Variants in CDH4 observed in about 807,000 individuals in gnomAD.
CDH4 encodes cadherin 4.
Under a neutral mutation model 86.0 loss-of-function variants are expected in CDH4, and 33 were observed. The observed-to-expected ratio is 0.38, with a 90% confidence interval of 0.29 to 0.51. CDH4 has a LOEUF of 0.51. Ranked by LOEUF, CDH4 falls within the 20% of genes least tolerant of loss-of-function variation. The probability of loss-of-function intolerance (pLI) is 0.86; values close to 1 mark genes in which losing one functional copy is unlikely to be tolerated. For synonymous variants in CDH4, 555 were observed against 549.4 expected, an observed-to-expected ratio of 1.01 and a Z score of -0.14; for missense variants, 1,114 against 1,307.4, an observed-to-expected ratio of 0.85 and a Z score of 2.28.
rs2087443529 is a variant in CDH4, at chr20:61,676,274, A to G, written c.170-67289A>G. On this transcript the variant is annotated intron_variant, in intron 2 of 15. Coordinates refer to ENST00000614565, the MANE Select transcript of CDH4 (RefSeq NM_001794.5). The surrounding 1 kb of genome is among the most constrained non-coding windows in gnomAD (Gnocchi z 4.5). ...GACTCAAGTCTATTTGCCAGCCACA[A>G]AGACAATCTTTATAAAACTCAGGTT... 6.6e-6 allele frequency among the ~76,000 whole-genome samples: 1 copy of G among 152,248 alleles called. No individual in the cohort carries two copies. Among genetic ancestry groups the G allele is most frequent in the Non-Finnish European group, 1.5e-5 (1 of 68,046 alleles).
At chr20:61,626,456 G>T (rs902668154) in intron 2 of CDH4, among the ~76,000 whole-genome samples, 5 of 151,170 alleles carry the variant, frequency 3.3e-5, no homozygotes, top group African/African-American at 1.2e-4. Context: ...GAAGCAGAAG[G>T]AGAAGCACCC....
At chr20:61,784,521 C>T (rs374362550) in intron 4 of CDH4, among the ~76,000 whole-genome samples, 138 of 80,524 alleles carry the variant, frequency 1.7e-3, no homozygotes, top group Non-Finnish European at 1.8e-3. Flanking sequence ...CCCAGTTCCT[C>T]GGGACAGTTC....
intron 8 of CDH4, among the ~76,000 whole-genome samples, chr20:61,900,226 G>T (rs1985326739): frequency 6.6e-6 from 1 of 152,258 alleles, no homozygotes; most frequent in East Asian, 1.9e-4. Context: ...TTCTGCAGAA[G>T]AAGGGAGAAA....
At chr20:61,412,551 G>T (rs1259364830) in intron 2 of CDH4, among the ~76,000 whole-genome samples, 1 of 152,192 alleles carries the variant, frequency 6.6e-6, no homozygotes, top group Non-Finnish European at 1.5e-5. Context: ...CAGAGAGGTG[G>T]AGGAGGGATT....
intron 2 of CDH4, among the ~76,000 whole-genome samples, chr20:61,438,854 A>C (rs1297395560): frequency 2.0e-5 from 3 of 152,096 alleles, no homozygotes; most frequent in African/African-American, 7.2e-5. Flanking sequence ...AGATTCCCAA[A>C]ATCAGTGGAA....
intron 2 of CDH4, among the ~76,000 whole-genome samples, chr20:61,310,198 G>C (rs1258154296): frequency 6.6e-6 from 1 of 152,160 alleles, no homozygotes; most frequent in Non-Finnish European, 1.5e-5. Context: ...CCACTGTCTG[G>C]TTGGGGGTCT....
At chr20:61,498,895 C>T (rs2085680642) in intron 2 of CDH4, among the ~76,000 whole-genome samples, 1 of 152,204 alleles carries the variant, frequency 6.6e-6, no homozygotes, top group Non-Finnish European at 1.5e-5. Context: ...TTTACTCCAG[C>T]TGTCTTCTGT....
chr20:61,537,944 C>T (rs762384457), intron 2 of CDH4, among the ~76,000 whole-genome samples: 2 of 152,214 alleles, frequency 1.3e-5, no homozygotes, highest in African/African-American at 4.8e-5. Flanking sequence ...TGGGAACTAC[C>T]ACCGGGTCAT....
intron 2 of CDH4, among the ~76,000 whole-genome samples, chr20:61,271,105 C>T (rs1376749402): frequency 2.0e-5 from 3 of 152,112 alleles, no homozygotes; most frequent in Admixed American, 6.6e-5. Context: ...TCTGTCTTCA[C>T]TTTTTGGGTT....
chr20:61,683,537 G>T (rs2087542998), intron 2 of CDH4, among the ~76,000 whole-genome samples: 1 of 152,206 alleles, frequency 6.6e-6, no homozygotes, highest in Non-Finnish European at 1.5e-5. Context: ...TGCCGTGCTA[G>T]AAGAGCACCC....
chr20:61,399,504 C>T (rs936132214), intron 2 of CDH4, among the ~76,000 whole-genome samples: 4 of 152,210 alleles, frequency 2.6e-5, no homozygotes, highest in Non-Finnish European at 4.4e-5. Context: ...CATAGTATCC[C>T]TGAGCCCCTG....
At chr20:61,891,251 G>A (rs572928638) in intron 7 of CDH4, among the ~76,000 whole-genome samples, 4 of 152,310 alleles carry the variant, frequency 2.6e-5, no homozygotes, top group Admixed American at 6.5e-5. Flanking sequence ...CACTGTCTCA[G>A]CAACTGGTCA....
intron 2 of CDH4, among the ~76,000 whole-genome samples, chr20:61,498,069 AG>A (rs1434855623): frequency 3.8e-5 from 2 of 53,278 alleles, no homozygotes; most frequent in Non-Finnish European, 6.6e-5. Context: ...GGGTGGGGGG[AG>A]GGGGGAGGGA....
At chr20:61,564,352 A>G (rs2086245705) in intron 2 of CDH4, among the ~76,000 whole-genome samples, 1 of 152,112 alleles carries the variant, frequency 6.6e-6, no homozygotes, top group African/African-American at 2.4e-5. Flanking sequence ...TCATGCTGAG[A>G]TGTGATCCCC....
At chr20:61,462,114 C>T (rs1298726991) in intron 2 of CDH4, among the ~76,000 whole-genome samples, 1 of 152,200 alleles carries the variant, frequency 6.6e-6, no homozygotes, top group African/African-American at 2.4e-5. Context: ...TAACCCAGGA[C>T]TGGAAGCACT....
intron 4 of CDH4, among the ~76,000 whole-genome samples, chr20:61,823,327 GTGA>G (rs1009426804): frequency 0.28 from 10 of 36 alleles, no homozygotes; most frequent in East Asian, 0.5. Context: ...GGTGTTGATG[GTGA>G]TGATAGTGGT....
In CDH4 at chr20:61,901,432, A is replaced by T. The variant is rs535546838; in HGVS notation, c.1188+6385A>T. On this transcript the variant is annotated intron_variant, in intron 8 of 15. Transcript: ENST00000614565. ...GTAGGTTTACGCTATCAATTTTCCA[A>T]TGCAAGCAATCACAGAACAGAGAAC... 5.2e-5 allele frequency among the ~76,000 whole-genome samples: 8 copies of T among 152,382 alleles called. No homozygotes were observed. In the South Asian group the frequency reaches 6.2e-4, roughly 12 times the overall value.
intron 2 of CDH4, among the ~76,000 whole-genome samples, chr20:61,303,105 G>A (rs1337654612): frequency 6.6e-6 from 1 of 152,236 alleles, no homozygotes; most frequent in Admixed American, 6.5e-5. Context: ...TTAAGCCATG[G>A]GGTTTGTGGT....
chr20:61,609,008 A>C (rs2145756504), intron 2 of CDH4, among the ~76,000 whole-genome samples: 1 of 152,176 alleles, frequency 6.6e-6, no homozygotes, highest in South Asian at 2.1e-4. Context: ...GAAGCACAAG[A>C]CCCTGAGCTC....
Sources: allele counts gnomAD v4.1 joint callset (sites outside exome capture counted in the v4.1 genomes callset), GRCh38; gene constraint gnomAD v4.1.1; non-coding constraint Gnocchi (gnomAD v3.1); transcripts MANE v1.5; gene names NCBI Gene and HGNC (gene_info 2026-07-23, HGNC 2026-07-21).